The following CHMP4B variants were observed in gnomAD, a reference collection of about 807,000 sequenced individuals.
The protein encoded by CHMP4B is charged multivesicular body protein 4B, also known as SNF7 homolog associated with Alix 1.
A neutral mutation model predicts 25.1 loss-of-function variants in CHMP4B; 1 was observed. The observed-to-expected ratio is 0.04, with a 90% CI of 0.01 to 0.19. The LOEUF (loss-of-function observed/expected upper bound fraction) is 0.19, where lower values mean the gene tolerates loss of function less well. Among genes scored for constraint, CHMP4B ranks in the 10% least tolerant of loss-of-function variants. CHMP4B has a pLI of 1.00. For synonymous variants in CHMP4B, 101 were observed against 115.6 expected (o/e 0.87, Z 0.81); for missense variants, 151 against 289.7 (o/e 0.52, Z 3.48).
chr20:33,853,028 A>G (rs986707513), intron 4 of CHMP4B, among the ~76,000 whole-genome samples: 2 of 152,220 alleles, frequency 1.3e-5, no homozygotes, highest in Non-Finnish European at 2.9e-5. Context: ...CCATGTATAA[A>G]GAGGGAACGG....
intron 1 of CHMP4B, among the ~76,000 whole-genome samples, chr20:33,823,986 A>C (rs772302361): frequency 6.6e-6 from 1 of 152,156 alleles, no homozygotes; most frequent in African/African-American, 2.4e-5. Flanking sequence ...CCAGATTGCT[A>C]TAATCCTTGA....
intron 1 of CHMP4B, among the ~76,000 whole-genome samples, chr20:33,840,330 G>A (rs984819706): frequency 6.6e-6 from 1 of 152,046 alleles, no homozygotes; most frequent in African/African-American, 2.4e-5. Context: ...CAAGGAAAGA[G>A]AGGCGGGGGG....
chr20:33,813,449 G>T (rs1471477620), intron 1 of CHMP4B, among the ~76,000 whole-genome samples: 1 of 152,150 alleles, frequency 6.6e-6, no homozygotes, highest in South Asian at 2.1e-4. Flanking sequence ...TGGGGGATGC[G>T]GGTGGGAGCA....
intron 1 of CHMP4B, among the ~76,000 whole-genome samples, chr20:33,812,942 C>T (rs529719186): frequency 6.6e-6 from 1 of 152,254 alleles, no homozygotes; most frequent in South Asian, 2.1e-4. Context: ...AACACGGCCT[C>T]AACCCTAATG....
chr20:33,832,098 T>C (rs6059488), intron 1 of CHMP4B, among the ~76,000 whole-genome samples: 17 of 152,254 alleles, frequency 1.1e-4, no homozygotes, highest in African/African-American at 3.9e-4. Flanking sequence ...TGGAAGTATT[T>C]TTCTGCCGGC....
chr20:33,838,506 A>C (rs1456278653), intron 1 of CHMP4B, among the ~76,000 whole-genome samples: 1 of 152,156 alleles, frequency 6.6e-6, no homozygotes, highest in Non-Finnish European at 1.5e-5. Flanking sequence ...GAAGCCAAAA[A>C]TCTGGATTTT....
At chr20:33,814,062 T>C (rs1183011987) in intron 1 of CHMP4B, among the ~76,000 whole-genome samples, 1 of 152,196 alleles carries the variant, frequency 6.6e-6, no homozygotes, top group East Asian at 1.9e-4. Context: ...GAATTGACTT[T>C]CAAGGGGCTG....
At chr20:33,824,233 C>T (rs936908515) in intron 1 of CHMP4B, among the ~76,000 whole-genome samples, 1 of 152,106 alleles carries the variant, frequency 6.6e-6, no homozygotes, top group Non-Finnish European at 1.5e-5. Flanking sequence ...GAAACTAAGG[C>T]TCAAAACAAT....
At chr20:33,822,267 G>T (rs1199120773) in intron 1 of CHMP4B, among the ~76,000 whole-genome samples, 1 of 151,822 alleles carries the variant, frequency 6.6e-6, no homozygotes, top group Non-Finnish European at 1.5e-5. Flanking sequence ...CCTCAACCTT[G>T]TAAGTAGCTG....
At chr20:33,825,519 T>C (rs762899910) in intron 1 of CHMP4B, among the ~76,000 whole-genome samples, 78 of 152,130 alleles carry the variant, frequency 5.1e-4, no homozygotes, top group Non-Finnish European at 9.4e-4. Context: ...ACTCTGGGCT[T>C]TTCCTGAAAC....
intron 1 of CHMP4B, among the ~76,000 whole-genome samples, chr20:33,846,581 G>C (rs1181455584): frequency 6.6e-6 from 1 of 152,248 alleles, no homozygotes; most frequent in Non-Finnish European, 1.5e-5. Flanking sequence ...TGCTGCTTTT[G>C]GAGGAGCTGT....
intron 1 of CHMP4B, among the ~76,000 whole-genome samples, chr20:33,824,958 AG>A (rs1461971174): frequency 3.3e-5 from 5 of 152,200 alleles, no homozygotes; most frequent in Non-Finnish European, 7.3e-5. Context: ...GGGGTCATAA[AG>A]AGCAGGGCTG....
chr20:33,839,449 TAG>T (rs1979475229), intron 1 of CHMP4B, among the ~76,000 whole-genome samples: 1 of 152,232 alleles, frequency 6.6e-6, no homozygotes, highest in Admixed American at 6.5e-5. Context: ...TCCAGCTATG[TAG>T]AGTCATCGAC....
At chr20:33,816,874 G>C (rs1023787722) in intron 1 of CHMP4B, among the ~76,000 whole-genome samples, 15 of 152,156 alleles carry the variant, frequency 9.9e-5, no homozygotes, top group African/African-American at 3.4e-4. Flanking sequence ...GGTTAATTTA[G>C]GTTTAGCTGA....
intron 1 of CHMP4B, among the ~76,000 whole-genome samples, chr20:33,830,740 A>G (rs1206459645): frequency 6.6e-6 from 1 of 152,042 alleles, no homozygotes; most frequent in Non-Finnish European, 1.5e-5. Context: ...GCTTCAGCAT[A>G]TGAATTCTGG....
intron 1 of CHMP4B, among the ~76,000 whole-genome samples, chr20:33,831,947 G>A (rs568512578): frequency 6.6e-6 from 1 of 152,220 alleles, no homozygotes; most frequent in South Asian, 2.1e-4. Flanking sequence ...TCAGCTTCCT[G>A]TGCCCTTCAC....
chr20:33,844,634 A>T (rs996346433), intron 1 of CHMP4B, among the ~76,000 whole-genome samples: 3 of 152,238 alleles, frequency 2.0e-5, no homozygotes, highest in African/African-American at 7.2e-5. Context: ...TTAATAGGGA[A>T]ATAACTTTGG....
chr20:33,819,322 A>G (rs956110487), intron 1 of CHMP4B, among the ~76,000 whole-genome samples: 4 of 152,150 alleles, frequency 2.6e-5, no homozygotes, highest in African/African-American at 9.7e-5. Flanking sequence ...TTGTTTAGGA[A>G]CTAGTTTGGT....
intron 1 of CHMP4B, among the ~76,000 whole-genome samples, chr20:33,844,603 A>C (rs1470160646): frequency 6.6e-6 from 1 of 152,182 alleles, no homozygotes. Context: ...TTGGAGAAAA[A>C]GCAGTTCTAA....
Sources: gnomAD v4.1 joint callset for allele counts (sites outside exome capture counted in the v4.1 genomes callset) on GRCh38, gnomAD v4.1.1 for gene constraint, MANE v1.5 for transcripts, NCBI Gene and HGNC (gene_info 2026-07-23, HGNC 2026-07-21) for gene names.